Variants in POU6F2 observed in about 807,000 individuals in gnomAD.
The protein encoded by POU6F2 is POU class 6 homeobox 2.
POU6F2 carries 31 observed loss-of-function variants against 71.3 expected under a neutral mutation model. The observed-to-expected ratio is 0.43, with a 90% CI of 0.33 to 0.59. POU6F2 has a LOEUF of 0.59. POU6F2 is among the 20% of genes least tolerant of loss of function. The probability of loss-of-function intolerance (pLI) is 0.04; values close to 1 mark genes in which losing one functional copy is unlikely to be tolerated. For missense variants in POU6F2, 783 were observed against 856.8 expected (o/e 0.91, Z 1.07); for synonymous variants, 347 against 355.7 (o/e 0.98, Z 0.27).
At chr7:39,355,921 G>A (rs1786246264) in intron 5 of POU6F2, among the ~76,000 whole-genome samples, 1 of 152,134 alleles carries the variant, frequency 6.6e-6, no homozygotes, top group African/African-American at 2.4e-5. Flanking sequence ...GGATTAATTG[G>A]CTAATTTAGG....
chr7:39,372,378 T>C (rs4723861), intron 5 of POU6F2, among the ~76,000 whole-genome samples: 143,399 of 152,316 alleles, frequency 0.94, 67,593 homozygotes, highest in East Asian at 1. Context: ...TATTAGTCAG[T>C]GTTCTCCAGA....
chr7:39,320,311 C>T (rs138583135), intron 4 of POU6F2, among the ~76,000 whole-genome samples: 118 of 152,320 alleles, frequency 7.7e-4, no homozygotes, highest in African/African-American at 2.7e-3. Flanking sequence ...GTTTCAGGGA[C>T]AGATGCCCTT....
chr7:38,998,786 A>T (rs1788812910), intron 1 of POU6F2, among the ~76,000 whole-genome samples: 1 of 149,868 alleles, frequency 6.7e-6, no homozygotes, highest in African/African-American at 2.5e-5. Flanking sequence ...AGTAGCTGGG[A>T]CTACAGGCGC....
rs550746623 is a variant in POU6F2 at position 39,125,996 on chromosome 7, C to T, written c.277+39965C>T. The stretch of plus-strand genomic sequence containing the variant: ...CTGAATGGTGCCTGTCTCTCCCATG[C>T]AGCTAATGACTGAAATGGGATCCAT... On this transcript the variant is annotated intron_variant, in intron 2 of 9. Coordinates refer to ENST00000518318, the MANE Select transcript of POU6F2 (RefSeq NM_001370959.1). Among the ~76,000 whole-genome samples, 4 of 152,338 alleles carry T rather than the reference C, an allele frequency of 2.6e-5. No individual in the cohort carries two copies. In the East Asian group the frequency reaches 7.7e-4, roughly 29 times the overall value.
chr7:38,981,791 A>G (rs1788322602), intron 1 of POU6F2, among the ~76,000 whole-genome samples: 1 of 152,200 alleles, frequency 6.6e-6, no homozygotes, highest in Non-Finnish European at 1.5e-5. Context: ...GAAGTGTTGT[A>G]AAGTTGTACA....
chr7:39,207,640 C>T lies in POU6F2; in HGVS notation c.598+20C>T, dbSNP rs375043596. The stretch of plus-strand genomic sequence containing the variant: ...TACAAGGTAATCCATAATGTCCATG[C>T]GCCACGTAAGGCTCTACCCGTTGGC... On this transcript the variant is annotated intron_variant, in intron 4 of 9. Coordinates refer to ENST00000518318, the MANE Select transcript of POU6F2 (RefSeq NM_001370959.1). 9.4e-5 allele frequency: 151 copies of T among 1,601,066 alleles called. No individual in the cohort carries two copies. The highest frequency in any genetic ancestry group is 8.5e-4 in the South Asian group (77 of 90,092).
chr7:39,186,520 C>A (rs1032845445), intron 2 of POU6F2, among the ~76,000 whole-genome samples: 15 of 152,120 alleles, frequency 9.9e-5, no homozygotes, highest in African/African-American at 3.6e-4. Flanking sequence ...TGGGGATGCA[C>A]ATTCAGACAC....
At chr7:39,376,231 A>C (rs1786708092) in intron 5 of POU6F2, among the ~76,000 whole-genome samples, 2 of 152,228 alleles carry the variant, frequency 1.3e-5, no homozygotes, top group South Asian at 4.1e-4. Context: ...AAGACTCCAC[A>C]GTTTATCCAT....
chr7:39,137,321 A>G (rs2128731049), intron 2 of POU6F2, among the ~76,000 whole-genome samples: 1 of 152,306 alleles, frequency 6.6e-6, no homozygotes, highest in South Asian at 2.1e-4. Flanking sequence ...ACACACCAAG[A>G]AATGACTTAA....
intron 4 of POU6F2, among the ~76,000 whole-genome samples, chr7:39,335,103 T>C (rs556776576): frequency 6.6e-6 from 1 of 152,226 alleles, no homozygotes; most frequent in Non-Finnish European, 1.5e-5. Context: ...TGTCTAAGCA[T>C]GGAGGAGGCA....
intron 1 of POU6F2, among the ~76,000 whole-genome samples, chr7:39,076,928 A>G (rs572119513): frequency 6.6e-6 from 1 of 152,278 alleles, no homozygotes; most frequent in South Asian, 2.1e-4. Context: ...AGTTTTTAAG[A>G]TGCTAGAAAG....
intron 2 of POU6F2, among the ~76,000 whole-genome samples, chr7:39,146,485 A>G (rs1013056801): frequency 2.0e-5 from 3 of 152,226 alleles, no homozygotes; most frequent in African/African-American, 7.2e-5. Flanking sequence ...CAATGAAAAC[A>G]GGAAAGATAA....
At chr7:39,380,141 G>T (rs1411939289) in intron 5 of POU6F2, among the ~76,000 whole-genome samples, 2 of 152,000 alleles carry the variant, frequency 1.3e-5, no homozygotes, top group Non-Finnish European at 2.9e-5. Context: ...TATTTTCATG[G>T]CTCCATTTAA....
At chr7:39,402,112 A>G (rs1012757322) in intron 5 of POU6F2, among the ~76,000 whole-genome samples, 1 of 152,262 alleles carries the variant, frequency 6.6e-6, no homozygotes, top group African/African-American at 2.4e-5. Context: ...TTTTCAGGAT[A>G]CAAACTATGC....
intron 6 of POU6F2, among the ~76,000 whole-genome samples, chr7:39,432,477 A>C: frequency 6.6e-6 from 1 of 152,202 alleles, no homozygotes; most frequent in East Asian, 1.9e-4. Flanking sequence ...TAAGTGGCAC[A>C]GCTGGGAATG....
At chr7:39,369,336 A>G (rs183436152) in intron 5 of POU6F2, among the ~76,000 whole-genome samples, 2 of 152,006 alleles carry the variant, frequency 1.3e-5, no homozygotes, top group East Asian at 3.9e-4. Flanking sequence ...CTGAAGGCTC[A>G]GTGATTGTTA....
At chr7:39,409,217 G>A (rs1404219725) in intron 6 of POU6F2, among the ~76,000 whole-genome samples, 1 of 152,196 alleles carries the variant, frequency 6.6e-6, no homozygotes, top group Non-Finnish European at 1.5e-5. Context: ...TCTTTCACTT[G>A]AGTTCTTGAC....
intron 4 of POU6F2, among the ~76,000 whole-genome samples, chr7:39,258,680 T>A (rs1305449773): frequency 6.7e-6 from 1 of 150,150 alleles, no homozygotes; most frequent in African/African-American, 2.4e-5. Flanking sequence ...GTCTGCTTTT[T>A]GGATTTTTAC....
At chr7:39,246,588 T>G (rs1469025779) in intron 4 of POU6F2, among the ~76,000 whole-genome samples, 1 of 152,122 alleles carries the variant, frequency 6.6e-6, no homozygotes, top group East Asian at 1.9e-4. Flanking sequence ...TATGTAAAAT[T>G]GGGATAAAAG....
Sources: allele counts gnomAD v4.1 joint callset (sites outside exome capture counted in the v4.1 genomes callset), GRCh38; gene constraint gnomAD v4.1.1; transcripts MANE v1.5; gene names NCBI Gene and HGNC (gene_info 2026-07-23, HGNC 2026-07-21).